TFR2: variants seen among roughly 807,000 people sequenced by gnomAD.
TFR2 encodes transferrin receptor protein 2.
Under a neutral mutation model 91.9 loss-of-function variants are expected in TFR2, and 64 were observed. The ratio of observed to expected loss-of-function variants is 0.70; its 90% CI spans 0.57 to 0.86. The LOEUF is 0.86. TFR2 is among the 40% of genes least tolerant of loss of function. TFR2 has a pLI of 0.00. For missense variants in TFR2, 950 were observed against 1,080.5 expected, an observed-to-expected ratio of 0.88 and a Z score of 1.69; for synonymous variants, 454 against 459.6, an observed-to-expected ratio of 0.99 and a Z score of 0.15.
At chr7:100,621,497 G>A (rs780574292) in intron 17 of TFR2, among the ~76,000 whole-genome samples, 1 of 152,062 alleles carries the variant, frequency 6.6e-6, no homozygotes. Flanking sequence ...GAAGTGATCC[G>A]CCCGCCTTGG....
chr7:100,633,173 ACC>A, intron 5 of TFR2, 50 bp from the exon 6 acceptor site: 1 of 1,612,422 alleles, frequency 6.2e-7, no homozygotes. Context: ...CTCCTTCGAG[ACC>A]CAGGAAAGGG....
At chr7:100,621,191 C>T (rs995219582) in intron 17 of TFR2, 65 bp from the exon 18 acceptor site, 45 of 1,417,494 alleles carry the variant, frequency 3.2e-5, no homozygotes, top group Admixed American at 1.5e-4. Context: ...GCCCGAGTCA[C>T]CCTTCCCGCC....
In TFR2 at chr7:100,627,451, G is replaced by T; in HGVS notation, c.1808C>A (p.Thr603Asn). The T allele has an allele frequency of 6.2e-7, 1 of 1,600,896 alleles. No individual in the cohort carries two copies. Among genetic ancestry groups the T allele is most frequent in the Non-Finnish European group, 8.5e-7 (1 of 1,173,974 alleles). ...AYPFLHTKED[T>N]YENLHKVLQG... Reference sequence around the variant, plus strand: ...CAGCACCTTATGCAGGTTCTCATAAGTGTCCTCCTTTGTGTGCAGGAATGG... The same window carrying T: ...CAGCACCTTATGCAGGTTCTCATAATTGTCCTCCTTTGTGTGCAGGAATGG... Residue 603 changes from threonine (T) to asparagine (N), a missense_variant, in exon 16 of 18, where the codon ACT becomes AAT. Coordinates refer to ENST00000223051, the MANE Select transcript of TFR2 (RefSeq NM_003227.4).
intron 9 of TFR2, 38 bp from the exon 10 acceptor site, chr7:100,629,410 C>T: frequency 6.2e-7 from 1 of 1,611,740 alleles, no homozygotes. Flanking sequence ...TCTGACACTG[C>T]ACCCTGCACC....
Position 100,630,945 on chromosome 7 carries a change from C to A in TFR2, c.1214G>T (p.Arg405Met), listed in dbSNP as rs766104011. Residue 405 changes from arginine to methionine, a missense_variant, in exon 9 of 18, where the codon AGG becomes ATG. Physicochemically the swap from Arg to Met is moderately conservative, Grantham distance 91 (BLOSUM62 -1). Coordinates refer to ENST00000223051, the MANE Select transcript of TFR2 (RefSeq NM_003227.4). ...PRLRLVVNNH[R>M]TSTPINNIFG... ...GATGTTGTTGATGGGGGTGGAGGTC[C>A]TGTGATTGTTGACCACTAGCCGCAG... is the stretch of plus-strand genomic sequence containing the variant. 6.2e-7 allele frequency: 1 copy of A among 1,613,114 alleles called. No individual in the cohort carries two copies. Among genetic ancestry groups the A allele is most frequent in the Non-Finnish European group, 8.5e-7 (1 of 1,179,862 alleles).
chr7:100,636,336 C>G (rs1263827658), intron 3 of TFR2, among the ~76,000 whole-genome samples: 1 of 151,958 alleles, frequency 6.6e-6, no homozygotes, highest in Admixed American at 6.6e-5. Flanking sequence ...CCATCACACC[C>G]AGTTAATTTT....
At chr7:100,626,629 A>G in intron 17 of TFR2, 134 bp downstream of exon 17, 1 of 1,475,542 alleles carries the variant, frequency 6.8e-7, no homozygotes, top group Non-Finnish European at 9.0e-7. Context: ...CAGGACTGGG[A>G]AGAGAGCATC....
At chr7:100,635,089 CCACCA>C (rs1354890415) in intron 3 of TFR2, among the ~76,000 whole-genome samples, 1 of 152,014 alleles carries the variant, frequency 6.6e-6, no homozygotes, top group Non-Finnish European at 1.5e-5. Flanking sequence ...CAGGCGCCTA[CCACCA>C]CACTCAGCTA....
Position 100,627,306 on chromosome 7 carries a change from G to C in TFR2, c.1953C>G (p.Leu651=). 6.5e-7 allele frequency: 1 copy of C among 1,549,688 alleles called. No individual in the cohort carries two copies. The highest frequency in any genetic ancestry group is 1.2e-5 in the South Asian group (1 of 83,992). Residue 651 remains leucine, a synonymous_variant, in exon 16 of 18, where the codon CTC becomes CTG. Coordinates refer to ENST00000223051, the MANE Select transcript of TFR2 (RefSeq NM_003227.4). ...ACTCGTTGAGGTTCCCGATGTGCCT[G>C]AGGACGACGTCCCCGTAGCGGCCGA... is the stretch of plus-strand genomic sequence containing the variant. ...LDFGRYGDVV[L]RHIGNLNEFS...
Position 100,631,800 on chromosome 7 carries a change from C to T in TFR2, c.1106+6G>A. ...CTCCTCTTCTGGTCCCCAACACTCCCCTCACCTCAGCAGGCGGGAGGCAAT... is the reference window on the plus strand; with the variant it reads ...CTCCTCTTCTGGTCCCCAACACTCCTCTCACCTCAGCAGGCGGGAGGCAAT... On this transcript the variant is annotated splice_donor_region_variant and intron_variant, in intron 8 of 17. Coordinates refer to ENST00000223051, the MANE Select transcript of TFR2 (RefSeq NM_003227.4). 1 of 1,611,982 alleles carries T rather than the reference C, an allele frequency of 6.2e-7. No individual in the cohort carries two copies.
chr7:100,631,708 A>G, intron 8 of TFR2, 98 bp downstream of exon 8: 2 of 1,513,760 alleles, frequency 1.3e-6, no homozygotes, highest in Non-Finnish European at 1.8e-6. Flanking sequence ...CTTAAACAAG[A>G]GTCACCTTTT....
At chr7:100,639,290 C>G (rs1010575613) in intron 3 of TFR2, among the ~76,000 whole-genome samples, 1 of 152,192 alleles carries the variant, frequency 6.6e-6, no homozygotes, top group African/African-American at 2.4e-5. Flanking sequence ...TCGCGTGAAC[C>G]TGGGAGGCGG....
chr7:100,641,278 G>A, intron 1 of TFR2, 50 bp from the exon 2 acceptor site: 1 of 1,528,390 alleles, frequency 6.5e-7, no homozygotes, highest in Non-Finnish European at 8.8e-7. Flanking sequence ...CTGGGGGGTG[G>A]GGAGGCATCT....
intron 9 of TFR2, among the ~76,000 whole-genome samples, chr7:100,630,053 T>TA (rs1243479025): frequency 6.6e-6 from 1 of 152,014 alleles, no homozygotes; most frequent in East Asian, 1.9e-4. Flanking sequence ...CAATTTCTCT[T>TA]ATTTTTAAAT....
chr7:100,626,007 C>T (rs1289067987), intron 17 of TFR2, among the ~76,000 whole-genome samples: 1 of 152,120 alleles, frequency 6.6e-6, no homozygotes, highest in Non-Finnish European at 1.5e-5. Context: ...AGTGTGTGTG[C>T]ACAAGTGGCT....
At chr7:100,628,387 C>T in intron 10 of TFR2, 81 bp from the exon 11 acceptor site, 2 of 1,380,712 alleles carry the variant, frequency 1.4e-6, no homozygotes, top group Non-Finnish European at 2.0e-6. Context: ...TCCTGGTCCC[C>T]CAGGGTCTCT....
chr7:100,638,160 C>T (rs970862254), intron 3 of TFR2, among the ~76,000 whole-genome samples: 13 of 152,050 alleles, frequency 8.5e-5, no homozygotes, highest in Non-Finnish European at 1.8e-4. Flanking sequence ...CCCGCCACCA[C>T]GCCCAGCTAA....
Position 100,628,575 on chromosome 7 carries a change from A to C in TFR2, c.1391-269T>G, listed in dbSNP as rs1458839289. 2.0e-5 allele frequency among the ~76,000 whole-genome samples: 3 copies of C among 150,826 alleles called. No individual in the cohort carries two copies. The East Asian group carries it at 6.0e-4, about 30-fold the overall frequency. On this transcript the variant is annotated intron_variant, in intron 10 of 17. Transcript: ENST00000223051. ...CCACTAAGTCCAGCCAATTTTTAAA[A>C]AACTTTTGTAGAGATGCAGTCTCCC...
In TFR2 at chr7:100,626,906, G is replaced by T. The variant is rs1162899591; in HGVS notation, c.1996-3C>A. ...CACTGCAGGGTCAGCCCGCGGGCCT[G>T]GGGTGGGGAGGCGCGGGCTGGGGCT... is the stretch of plus-strand genomic sequence containing the variant. On this transcript the variant is annotated splice_polypyrimidine_tract_variant and splice_region_variant and intron_variant, in intron 16 of 17. Coordinates refer to ENST00000223051, the MANE Select transcript of TFR2 (RefSeq NM_003227.4). 7.2e-6 allele frequency: 11 copies of T among 1,537,018 alleles called. No individual in the cohort carries two copies. Among genetic ancestry groups the T allele is most frequent in the Non-Finnish European group, 8.7e-6 (10 of 1,143,972 alleles).
Sources: allele counts gnomAD v4.1 joint callset (sites outside exome capture counted in the v4.1 genomes callset), GRCh38; gene constraint gnomAD v4.1.1; transcripts MANE v1.5; gene names NCBI Gene and HGNC (gene_info 2026-07-23, HGNC 2026-07-21).